Variants in CYREN observed in about 807,000 individuals in gnomAD.
The protein encoded by CYREN is cell cycle regulator of NHEJ.
Under a neutral mutation model 9.7 loss-of-function variants are expected in CYREN, and 7 were observed. The observed-to-expected ratio is 0.72, with a 90% confidence interval of 0.41 to 1.36. The LOEUF (loss-of-function observed/expected upper bound fraction) is 1.36, where lower values mean the gene tolerates loss of function less well. CYREN is among the 40% of genes most tolerant of loss of function. The pLI is 0.01. For synonymous variants in CYREN, 76 were observed against 77.9 expected (o/e 0.98, Z 0.13); for missense variants, 215 against 198.1 (o/e 1.09, Z -0.51).
chr7:135,144,839 G>A (rs1210270101), intron 2 of CYREN, among the ~76,000 whole-genome samples: 2 of 150,170 alleles, frequency 1.3e-5, no homozygotes, highest in Non-Finnish European at 3.0e-5. Flanking sequence ...AGGCTGAGGT[G>A]GGAGGATCAC....
At chr7:135,100,426 C>T (rs1326328157) in intron 2 of CYREN, among the ~76,000 whole-genome samples, 1 of 152,140 alleles carries the variant, frequency 6.6e-6, no homozygotes, top group African/African-American at 2.4e-5. Context: ...CAAGTTTCCC[C>T]TTACTTAGGA....
chr7:135,119,569 G>GA (rs1195957178), intron 2 of CYREN, among the ~76,000 whole-genome samples: 2 of 148,164 alleles, frequency 1.3e-5, no homozygotes, highest in East Asian at 2.1e-4. Context: ...AAAAAAAAAA[G>GA]AAAAAACTAT....
chr7:135,154,778 A>G (rs1344718416), intron 2 of CYREN, among the ~76,000 whole-genome samples: 2 of 152,184 alleles, frequency 1.3e-5, no homozygotes, highest in East Asian at 1.9e-4. Context: ...CATGTGATCT[A>G]TCTTGGAGAA....
rs1485796641 is a variant in CYREN, at chr7:135,166,470, T to G, written c.*141A>C. On this transcript the variant is annotated 3_prime_UTR_variant, in exon 4 of 4. Coordinates refer to ENST00000393114, the MANE Select transcript of CYREN (RefSeq NM_024033.4). ...GTGTCCAGGGGCTTCTGGCCTGAGG[T>G]GAATCTGCCAGGCCCAAGAAGGCAC... 1.5e-6 allele frequency: 2 copies of G among 1,369,130 alleles called. No homozygotes were observed. Among genetic ancestry groups the G allele is most frequent in the Admixed American group, 2.6e-5 (1 of 38,694 alleles). 84.8% of individuals were successfully genotyped at this position (1,369,130 alleles called of 1,614,324 possible). A position where few individuals can be genotyped will look rare whatever the true frequency, so the allele number is the denominator to read the frequency against.
rs3038284 is a variant in CYREN, at chr7:135,096,742, T to TGAAAGAAAGAAAGAAAGAAA, written n.357-2180_357-2161dup. ...AAAGAGAAGAAAGAAAGAGAAAGAA[T>TGAAAGAAAGAAAGAAAGAAA]GAAAGAAAGAAAGAAAGAAAGAAAG... is the stretch of plus-strand genomic sequence containing the variant. On this transcript the variant is annotated intron_variant and non_coding_transcript_variant, in intron 2 of 2. Transcript: ENST00000459937. Among the ~76,000 whole-genome samples, 370 of 101,178 alleles carry TGAAAGAAAGAAAGAAAGAAA rather than the reference T, an allele frequency of 3.7e-3. 5 individuals carry two copies. Among genetic ancestry groups the TGAAAGAAAGAAAGAAAGAAA allele is most frequent in the East Asian group, 9.6e-3 (33 of 3,432 alleles). 66.4% of individuals were successfully genotyped at this position (101,178 alleles called of 152,430 possible).
rs117221451 is a variant in CYREN, at chr7:135,152,187, T to C, written n.356+16562A>G. Reference sequence around the variant, plus strand: ...AAAATCTAGGCAGAAGGATGTTAAGTAACTAAGGTCACACAGCTGGTGAAT... The same window carrying C: ...AAAATCTAGGCAGAAGGATGTTAAGCAACTAAGGTCACACAGCTGGTGAAT... On this transcript the variant is annotated intron_variant and non_coding_transcript_variant, in intron 2 of 2. Transcript: ENST00000459937. Among the ~76,000 whole-genome samples, 734 of 152,354 alleles carry C rather than the reference T, an allele frequency of 4.8e-3. 7 individuals are homozygous for C. The highest frequency in any genetic ancestry group is 6.6e-3 in the Non-Finnish European group (449 of 68,040).
At chr7:135,169,941 G>A (rs1054554284) in intron 1 of CYREN, among the ~76,000 whole-genome samples, 3 of 152,306 alleles carry the variant, frequency 2.0e-5, no homozygotes, top group Middle Eastern at 3.4e-3. Flanking sequence ...CGGCCATGGG[G>A]CACACCTTTG....
intron 2 of CYREN, among the ~76,000 whole-genome samples, chr7:135,108,310 A>C (rs1278141317): frequency 2.0e-5 from 3 of 152,038 alleles, no homozygotes; most frequent in Admixed American, 6.6e-5. Flanking sequence ...TTATAGTGTC[A>C]CTGGTCTACG....
chr7:135,130,421 C>G (rs567304333), intron 2 of CYREN, among the ~76,000 whole-genome samples: 2 of 152,214 alleles, frequency 1.3e-5, no homozygotes, highest in Admixed American at 1.3e-4. Context: ...AATTTAAGTT[C>G]TATTCAACTT....
intron 2 of CYREN, among the ~76,000 whole-genome samples, chr7:135,125,644 A>G (rs1296535617): frequency 2.0e-5 from 3 of 152,216 alleles, no homozygotes; most frequent in African/African-American, 7.2e-5. Flanking sequence ...GAAAATCCTC[A>G]ATAAAATACT....
chr7:135,133,761 T>C lies in CYREN; in HGVS notation n.356+34988A>G, dbSNP rs181359860. ...TTTAAACTTACATCTTATACAAAAA[T>C]TAACTCACAAAAAAACCTGTGTGTA... On this transcript the variant is annotated intron_variant and non_coding_transcript_variant, in intron 2 of 2. Coordinates refer to the CYREN transcript ENST00000459937. Among the ~76,000 whole-genome samples, 78 of 152,166 alleles carry C rather than the reference T, an allele frequency of 5.1e-4. No individual in the cohort carries two copies. In the East Asian group the frequency reaches 0.014, roughly 26 times the overall value.
intron 2 of CYREN, among the ~76,000 whole-genome samples, chr7:135,136,982 T>G (rs1447337306): frequency 1.3e-5 from 2 of 152,072 alleles, no homozygotes; most frequent in Non-Finnish European, 2.9e-5. Flanking sequence ...ACTTTCAGTT[T>G]TCTGAGCATG....
intron 2 of CYREN, 70 bp downstream of exon 2, chr7:135,168,716 G>A: frequency 6.4e-7 from 1 of 1,567,396 alleles, no homozygotes; most frequent in Middle Eastern, 1.8e-4. Context: ...TGGAAGACCT[G>A]GCCCAGGTCA....
At chr7:135,097,855 A>G (rs1823147215) in intron 2 of CYREN, among the ~76,000 whole-genome samples, 1 of 152,176 alleles carries the variant, frequency 6.6e-6, no homozygotes, top group African/African-American at 2.4e-5. Context: ...ACTCAAAAAT[A>G]TGTCACCAGA....
chr7:135,166,671 G>C lies in CYREN; in HGVS notation c.414C>G (p.Ser138Arg). The C allele has an allele frequency of 1.2e-6, 2 of 1,610,194 alleles. No homozygotes were observed. The highest frequency in any genetic ancestry group is 1.7e-6 in the Non-Finnish European group (2 of 1,179,910). ...PGGSSSACSRSPEEEEEEDVL... is the reference protein window; with the variant it reads ...PGGSSSACSRRPEEEEEEDVL... ...CATCCTCTTCCTCCTCCTCCTCAGG[G>C]CTCCTGCTACAGGCAGAGCTGGAAC... Residue 138 changes from serine to arginine, a missense_variant, in exon 4 of 4, where the codon AGC becomes AGG. Ser to Arg is a moderately radical substitution (Grantham distance 110). Transcript: ENST00000393114.
intron 2 of CYREN, among the ~76,000 whole-genome samples, chr7:135,152,286 T>G (rs1036655885): frequency 6.6e-6 from 1 of 152,226 alleles, no homozygotes; most frequent in Non-Finnish European, 1.5e-5. Context: ...CACACTGTCT[T>G]CACTACGTCA....
chr7:135,156,553 C>T (rs1164014965), intron 2 of CYREN, among the ~76,000 whole-genome samples: 2 of 151,926 alleles, frequency 1.3e-5, no homozygotes, highest in African/African-American at 4.8e-5. Context: ...TCCAGAATTT[C>T]TGCTTGTTTT....
Position 135,150,149 on chromosome 7 carries a change from G to C in CYREN, n.356+18600C>G, listed in dbSNP as rs998297544. 9.9e-5 allele frequency among the ~76,000 whole-genome samples: 15 copies of C among 152,144 alleles called. 1 individual carries two copies. Among genetic ancestry groups the C allele is most frequent in the Admixed American group, 5.9e-4 (9 of 15,282 alleles). ...ATCCATGTGAAATTTATTTGGGTAT[G>C]TGGAGTGAGATGAGGACCTAAAATA... On this transcript the variant is annotated intron_variant and non_coding_transcript_variant, in intron 2 of 2. Transcript: ENST00000459937.
Position 135,107,480 on chromosome 7 carries a change from T to C in CYREN, n.357-12898A>G, listed in dbSNP as rs192444119. ...CTTAACTTCATTATTTACCCGAAAGTCATTCAGGAGCATGTTGTTTAGTTT... is the reference window on the plus strand; with the variant it reads ...CTTAACTTCATTATTTACCCGAAAGCCATTCAGGAGCATGTTGTTTAGTTT... On this transcript the variant is annotated intron_variant and non_coding_transcript_variant, in intron 2 of 2. Transcript: ENST00000459937. Among the ~76,000 whole-genome samples, 10 of 152,340 alleles carry C rather than the reference T, an allele frequency of 6.6e-5. No individual in the cohort carries two copies. The East Asian group carries it at 1.9e-3, about 29-fold the overall frequency.
Sources: allele counts gnomAD v4.1 joint callset (sites outside exome capture counted in the v4.1 genomes callset), GRCh38; gene constraint gnomAD v4.1.1; transcripts MANE v1.5; gene names NCBI Gene and HGNC (gene_info 2026-07-23, HGNC 2026-07-21).